Variants in DENND1A observed in about 807,000 individuals in gnomAD.
DENND1A encodes DENN domain-containing protein 1A.
DENND1A carries 51 observed loss-of-function variants against 113.7 expected under a neutral mutation model. That is an observed-to-expected ratio of 0.45 (90% CI 0.36 to 0.57). The LOEUF (loss-of-function observed/expected upper bound fraction) is 0.57. Among genes scored for constraint, DENND1A ranks in the 20% least tolerant of loss-of-function variants. The probability of loss-of-function intolerance (pLI) is 0.00; values close to 1 mark genes in which losing one functional copy is unlikely to be tolerated. For missense variants in DENND1A, 1,258 were observed against 1,395.9 expected, an observed-to-expected ratio of 0.90 and a Z score of 1.57; for synonymous variants, 565 against 570.8, an observed-to-expected ratio of 0.99 and a Z score of 0.14.
At chr9:123,669,307 A>G (rs2063645634) in intron 7 of DENND1A, among the ~76,000 whole-genome samples, 1 of 152,206 alleles carries the variant, frequency 6.6e-6, no homozygotes, top group Non-Finnish European at 1.5e-5. Context: ...TCCCAGTGAA[A>G]AGGAAAGAAA....
intron 9 of DENND1A, among the ~76,000 whole-genome samples, chr9:123,644,186 A>C (rs1221786307): frequency 1.3e-5 from 2 of 152,094 alleles, no homozygotes; most frequent in Non-Finnish European, 1.5e-5. Flanking sequence ...AAAAATGATC[A>C]CATACATGAT....
chr9:123,761,514 G>A (rs1229612829), intron 4 of DENND1A, among the ~76,000 whole-genome samples: 1 of 152,168 alleles, frequency 6.6e-6, no homozygotes, highest in East Asian at 1.9e-4. Context: ...TCTCTTGCCT[G>A]TTGCATATTT....
In DENND1A at chr9:123,440,361, T is replaced by C. The variant is rs1282647407; in HGVS notation, c.1487A>G (p.Gln496Arg). ...DRRPITVHFG[Q>R]LQRLRPTRPP... ...AGGTAGGAGGGCCAGGGTACACACC[T>C]GTCCAAAGTGGACTGTGATTGGCCG... Residue 496 changes from glutamine to arginine, a missense_variant and splice_region_variant, in exon 19 of 24, where the codon CAG becomes CGG. Transcript: ENST00000394215. 1 of 1,599,580 alleles carries C rather than the reference T, an allele frequency of 6.3e-7. No homozygotes were observed. The highest frequency in any genetic ancestry group is 2.3e-5 in the East Asian group (1 of 43,986).
intron 4 of DENND1A, among the ~76,000 whole-genome samples, chr9:123,768,800 A>G (rs553652641): frequency 3.0e-4 from 42 of 139,614 alleles, no homozygotes; most frequent in Middle Eastern, 4.1e-3. Context: ...TTATAAAGTA[A>G]AAAAAAAAAA....
chr9:123,497,910 A>C (rs966704380), intron 13 of DENND1A, among the ~76,000 whole-genome samples: 3 of 152,198 alleles, frequency 2.0e-5, no homozygotes, highest in African/African-American at 7.2e-5. Context: ...GCAAAGCCAC[A>C]AAAGGAGCAG....
intron 5 of DENND1A, among the ~76,000 whole-genome samples, chr9:123,728,053 C>A (rs1370866322): frequency 6.6e-6 from 1 of 151,558 alleles, no homozygotes; most frequent in African/African-American, 2.4e-5. Context: ...TTGCAGTGAG[C>A]CAAGATCGCA....
chr9:123,597,384 T>C (rs1459400222), intron 11 of DENND1A, among the ~76,000 whole-genome samples: 1 of 152,160 alleles, frequency 6.6e-6, no homozygotes, highest in African/African-American at 2.4e-5. Flanking sequence ...TCAAACAAAC[T>C]ACAGGGGGTC....
chr9:123,910,764 A>T (rs1302437229), intron 1 of DENND1A, among the ~76,000 whole-genome samples: 1 of 152,108 alleles, frequency 6.6e-6, no homozygotes, highest in African/African-American at 2.4e-5. Context: ...ACATGGTGAA[A>T]CCCTGTCTCT....
At chr9:123,916,296 C>T (rs938814377) in intron 1 of DENND1A, among the ~76,000 whole-genome samples, 10 of 150,402 alleles carry the variant, frequency 6.6e-5, no homozygotes, top group African/African-American at 2.2e-4. Context: ...AGTTAAGGGG[C>T]GAAAAGTATA....
At chr9:123,429,600 TC>T (rs1165767093) in intron 19 of DENND1A, among the ~76,000 whole-genome samples, 6 of 152,098 alleles carry the variant, frequency 3.9e-5, no homozygotes, top group African/African-American at 7.2e-5. Flanking sequence ...GGGAAAGGAT[TC>T]CCTATTTAAC....
intron 2 of DENND1A, among the ~76,000 whole-genome samples, chr9:123,868,722 G>T (rs1012633141): frequency 2.0e-5 from 3 of 152,118 alleles, no homozygotes; most frequent in Non-Finnish European, 4.4e-5. Flanking sequence ...AAATTCTAAG[G>T]CTCCCCTATA....
In DENND1A at chr9:123,381,364, G is replaced by A. The variant is rs2042256107; in HGVS notation, c.*68C>T. The A allele has an allele frequency of 1.4e-6, 2 of 1,414,928 alleles. No homozygotes were observed. Among genetic ancestry groups the A allele is most frequent in the South Asian group, 1.4e-5 (1 of 72,632 alleles). The allele number at this position is 1,414,928 out of a possible 1,614,324, so 87.6% of individuals were successfully genotyped here. On this transcript the variant is annotated 3_prime_UTR_variant, in exon 24 of 24. Transcript: ENST00000394215. This position sits in a 1 kb window ranked among gnomAD's most constrained non-coding sequence, Gnocchi z 4.7. ...CCTGGGCAGAGAGAGAGTGGCGGGGGAGCCTCGGAACCGCAGCAGTGGACG... is the reference window on the plus strand; with the variant it reads ...CCTGGGCAGAGAGAGAGTGGCGGGGAAGCCTCGGAACCGCAGCAGTGGACG...
chr9:123,459,941 C>T (rs1027600752), intron 13 of DENND1A, among the ~76,000 whole-genome samples: 2 of 152,108 alleles, frequency 1.3e-5, no homozygotes, highest in Admixed American at 6.5e-5. Flanking sequence ...TACACCCTAC[C>T]TAATTTTACA....
chr9:123,552,101 G>C (rs772174660), intron 13 of DENND1A, among the ~76,000 whole-genome samples: 1 of 148,668 alleles, frequency 6.7e-6, no homozygotes, highest in East Asian at 2.0e-4. Context: ...AGGGAGCTCT[G>C]AGCCAGGGAA....
chr9:123,725,290 G>A (rs1046674791), intron 5 of DENND1A, among the ~76,000 whole-genome samples: 1 of 152,174 alleles, frequency 6.6e-6, no homozygotes, highest in African/African-American at 2.4e-5. Flanking sequence ...AATTTATGAA[G>A]CCTTTTAAAA....
intron 13 of DENND1A, among the ~76,000 whole-genome samples, chr9:123,470,248 G>A (rs1677090057): frequency 6.6e-6 from 1 of 152,204 alleles, no homozygotes; most frequent in South Asian, 2.1e-4. Context: ...ACATGAGTGA[G>A]ACGGTGACGA....
At chr9:123,730,213 C>A (rs531745866) in intron 5 of DENND1A, among the ~76,000 whole-genome samples, 10 of 152,256 alleles carry the variant, frequency 6.6e-5, no homozygotes, top group African/African-American at 2.4e-4. Context: ...GACTTCATGA[C>A]TAAAACAACA....
intron 2 of DENND1A, among the ~76,000 whole-genome samples, chr9:123,794,256 T>C (rs1425446383): frequency 6.6e-6 from 1 of 151,812 alleles, no homozygotes; most frequent in African/African-American, 2.4e-5. Context: ...CCTCTACCAG[T>C]GTACAGTGAG....
At chr9:123,620,939 G>A (rs1159645056) in intron 10 of DENND1A, among the ~76,000 whole-genome samples, 1 of 152,098 alleles carries the variant, frequency 6.6e-6, no homozygotes, top group African/African-American at 2.4e-5. Flanking sequence ...AACCATCTAT[G>A]TCCACCTATC....
Sources: gnomAD v4.1 joint callset for allele counts (sites outside exome capture counted in the v4.1 genomes callset) on GRCh38, gnomAD v4.1.1 for gene constraint, Gnocchi (gnomAD v3.1) non-coding constraint, MANE v1.5 for transcripts, NCBI Gene and HGNC (gene_info 2026-07-23, HGNC 2026-07-21) for gene names.